Variants in C12orf42 observed in about 807,000 individuals in gnomAD.
C12orf42 encodes the protein chromosome 12 open reading frame 42.
Under a neutral mutation model 21.6 loss-of-function variants are expected in C12orf42, and 25 were observed. The observed-to-expected ratio is 1.16, with a 90% CI of 0.84 to 1.62. The LOEUF is 1.62. Among genes scored for constraint, C12orf42 ranks in the 40% most tolerant of loss-of-function variants. The pLI is 0.00. For synonymous variants in C12orf42, 174 were observed against 175.0 expected (o/e 0.99, Z 0.05); for missense variants, 483 against 459.3 (o/e 1.05, Z -0.47).
At chr12:103,162,271 G>A in the C12orf42 span, among the ~76,000 whole-genome samples, 1 of 152,116 alleles carries the variant, frequency 6.6e-6, no homozygotes, top group Non-Finnish European at 1.5e-5. Context: ...AAGCCTGCGG[G>A]GGCCTCTCCA....
chr12:103,059,913 A>G, the C12orf42 span, among the ~76,000 whole-genome samples: 2 of 152,152 alleles, frequency 1.3e-5, no homozygotes, highest in Non-Finnish European at 2.9e-5. Flanking sequence ...CCCTTTGAAA[A>G]CCGGCACAAG....
the C12orf42 span, among the ~76,000 whole-genome samples, chr12:103,510,295 G>T: frequency 3.3e-5 from 5 of 152,158 alleles, no homozygotes; most frequent in Non-Finnish European, 5.9e-5. Context: ...TCATAGTTGG[G>T]AGCTAAGCTA....
intron 2 of C12orf42, among the ~76,000 whole-genome samples, chr12:103,419,243 TA>T (rs1409561940): frequency 6.6e-6 from 1 of 152,066 alleles, no homozygotes; most frequent in African/African-American, 2.4e-5. Context: ...CAAAGAACCT[TA>T]AAAAAATTGT....
intron 2 of C12orf42, among the ~76,000 whole-genome samples, chr12:103,449,738 G>C (rs910500222): frequency 6.7e-6 from 1 of 150,264 alleles, no homozygotes; most frequent in Non-Finnish European, 1.5e-5. Context: ...TTCTTCAGGA[G>C]TATCCTGGTC....
the C12orf42 span, among the ~76,000 whole-genome samples, chr12:103,218,995 GC>G: frequency 6.6e-6 from 1 of 152,168 alleles, no homozygotes; most frequent in Non-Finnish European, 1.5e-5. Flanking sequence ...GGCTGTTTGG[GC>G]AAACACTGAG....
the C12orf42 span, chr12:103,550,557 T>G: frequency 4.6e-5 from 7 of 152,158 alleles, no homozygotes; most frequent in Non-Finnish European, 8.8e-5. Context: ...TGCTGATGAA[T>G]TGGATTCCAA....
chr12:103,091,252 A>T, the C12orf42 span, among the ~76,000 whole-genome samples: 2 of 152,144 alleles, frequency 1.3e-5, no homozygotes, highest in Non-Finnish European at 2.9e-5. Flanking sequence ...GGTAATGATT[A>T]TATGCCAGCT....
chr12:103,144,864 A>G, the C12orf42 span, among the ~76,000 whole-genome samples: 2 of 152,172 alleles, frequency 1.3e-5, no homozygotes, highest in African/African-American at 2.4e-5. Context: ...AGCAAAAACC[A>G]TGGAAACTCT....
intron 4 of C12orf42, among the ~76,000 whole-genome samples, chr12:103,322,811 A>G (rs565166650): frequency 6.6e-6 from 1 of 152,348 alleles, no homozygotes; most frequent in Admixed American, 6.5e-5. Context: ...GATGCTTATG[A>G]AAAAGATACT....
intron 2 of C12orf42, among the ~76,000 whole-genome samples, chr12:103,460,293 A>G (rs1592909832): frequency 6.6e-6 from 1 of 151,184 alleles, no homozygotes; most frequent in East Asian, 1.9e-4. Context: ...AGAGAGAGAG[A>G]GAGAGATTGA....
chr12:103,294,647 AAGAG>A (rs1296518700), intron 4 of C12orf42, among the ~76,000 whole-genome samples: 2 of 147,038 alleles, frequency 1.4e-5, no homozygotes, highest in Non-Finnish European at 3.0e-5. Context: ...AAGGAAAAGA[AAGAG>A]AAAGAAAGAA....
chr12:103,440,017 A>C (rs1159321439), intron 2 of C12orf42, among the ~76,000 whole-genome samples: 1 of 149,318 alleles, frequency 6.7e-6, no homozygotes, highest in South Asian at 2.2e-4. Flanking sequence ...CCAAATGTCC[A>C]ATAATGATAG....
At chr12:103,373,309 G>A (rs1000177264) in intron 3 of C12orf42, among the ~76,000 whole-genome samples, 6 of 152,152 alleles carry the variant, frequency 3.9e-5, no homozygotes, top group Non-Finnish European at 5.9e-5. Flanking sequence ...AAGTGGCCTC[G>A]TGTGCTATCG....
chr12:103,176,861 C>T, the C12orf42 span, among the ~76,000 whole-genome samples: 7 of 152,108 alleles, frequency 4.6e-5, no homozygotes, highest in African/African-American at 9.7e-5. Context: ...ATTATGTCCC[C>T]GTGAGTAGTT....
chr12:103,551,422 C>G, the C12orf42 span, among the ~76,000 whole-genome samples: 1 of 152,112 alleles, frequency 6.6e-6, no homozygotes, highest in African/African-American at 2.4e-5. Flanking sequence ...AAGGCTGAGA[C>G]AGTAGAACTG....
At chr12:103,513,339 G>T in the C12orf42 span, among the ~76,000 whole-genome samples, 1 of 152,130 alleles carries the variant, frequency 6.6e-6, no homozygotes, top group Non-Finnish European at 1.5e-5. Flanking sequence ...TGGAACCACA[G>T]GAAAGGAAGC....
chr12:103,315,221 T>C (rs1343217941), intron 4 of C12orf42, among the ~76,000 whole-genome samples: 1 of 152,020 alleles, frequency 6.6e-6, no homozygotes, highest in Non-Finnish European at 1.5e-5. Flanking sequence ...AGATACAGGC[T>C]AAAGAGACAA....
chr12:103,259,622 A>C (rs1172870952), intron 10 of C12orf42, among the ~76,000 whole-genome samples: 9 of 152,130 alleles, frequency 5.9e-5, no homozygotes, highest in Non-Finnish European at 1.2e-4. Context: ...GTTTTTATAT[A>C]GGTTTTTGTT....
At chr12:103,312,788 T>C (rs1483745046) in intron 4 of C12orf42, among the ~76,000 whole-genome samples, 2 of 152,256 alleles carry the variant, frequency 1.3e-5, no homozygotes, top group Non-Finnish European at 2.9e-5. Flanking sequence ...TTGTGGCAGA[T>C]GATTTCAAGG....
Sources: gnomAD v4.1 joint callset for allele counts (sites outside exome capture counted in the v4.1 genomes callset) on GRCh38, gnomAD v4.1.1 for gene constraint, MANE v1.5 for transcripts, NCBI Gene and HGNC (gene_info 2026-07-23, HGNC 2026-07-21) for gene names.